RARB: variants seen among roughly 807,000 people sequenced by gnomAD.
RARB encodes the protein retinoic acid receptor beta, also known as HBV-activated protein.
RARB carries 17 observed loss-of-function variants against 51.9 expected under a neutral mutation model. The observed-to-expected ratio is 0.33, with a 90% CI of 0.22 to 0.49. The LOEUF is 0.49. Among genes scored for constraint, RARB ranks in the 20% least tolerant of loss-of-function variants. RARB has a pLI of 0.99. For missense variants in RARB, 369 were observed against 550.8 expected (o/e 0.67, Z 3.30); for synonymous variants, 215 against 195.4 (o/e 1.10, Z -0.84).
chr3:25,245,729 C>G (rs902149519), intron 5 of RARB, among the ~76,000 whole-genome samples: 12 of 152,120 alleles, frequency 7.9e-5, no homozygotes, highest in African/African-American at 2.9e-4. Context: ...TCTGACTGCC[C>G]TTAACATTTT....
rs139445425 is a variant in RARB at position 24,836,714 on chromosome 3, G to A, written c.-459+7311G>A. ...GTAAATGATTCTTGAGCGAGACAGGGAATATCCAGGGTGCTCAATAGTGTT... is the reference window on the plus strand; with the variant it reads ...GTAAATGATTCTTGAGCGAGACAGGAAATATCCAGGGTGCTCAATAGTGTT... On this transcript the variant is annotated intron_variant, in intron 1 of 11. Coordinates refer to the RARB transcript ENST00000383772. Among the ~76,000 whole-genome samples the A allele has an allele frequency of 1.7e-3, 257 of 152,196 alleles. 5 individuals are homozygous for A. The East Asian group carries it at 0.037, about 22-fold the overall frequency.
intron 1 of RARB, among the ~76,000 whole-genome samples, chr3:24,831,295 T>C (rs1303503925): frequency 6.6e-6 from 1 of 152,174 alleles, no homozygotes; most frequent in African/African-American, 2.4e-5. Context: ...ACTTCAGTAA[T>C]GAACACATAA....
At chr3:25,189,850 A>G (rs1417569893) in intron 5 of RARB, among the ~76,000 whole-genome samples, 1 of 152,106 alleles carries the variant, frequency 6.6e-6, no homozygotes, top group Non-Finnish European at 1.5e-5. Context: ...ATGCTACTGC[A>G]CTCCAGCCTG....
chr3:24,929,225 T>C (rs1268860674), intron 2 of RARB, among the ~76,000 whole-genome samples: 1 of 152,106 alleles, frequency 6.6e-6, no homozygotes, highest in Non-Finnish European at 1.5e-5. Flanking sequence ...AGGTTACTAA[T>C]GGAACCTCCT....
chr3:24,900,401 T>G (rs775644216), intron 2 of RARB, among the ~76,000 whole-genome samples: 1 of 152,262 alleles, frequency 6.6e-6, no homozygotes, highest in Non-Finnish European at 1.5e-5. Flanking sequence ...CTTGGCCTTT[T>G]CCATTTTACA....
intron 2 of RARB, among the ~76,000 whole-genome samples, chr3:24,902,981 G>A (rs944312501): frequency 5.9e-5 from 9 of 152,074 alleles, no homozygotes; most frequent in African/African-American, 2.2e-4. Flanking sequence ...AAAATATATT[G>A]AGAGAAACAA....
chr3:25,370,110 A>G (rs1330915071), intron 5 of RARB, among the ~76,000 whole-genome samples: 1 of 152,220 alleles, frequency 6.6e-6, no homozygotes, highest in Non-Finnish European at 1.5e-5. Context: ...ATACACACAC[A>G]TAGATATGTA....
chr3:25,022,511 G>C (rs368705408), intron 2 of RARB, among the ~76,000 whole-genome samples: 3 of 152,116 alleles, frequency 2.0e-5, no homozygotes, highest in African/African-American at 7.2e-5. Context: ...TAAAAACTCT[G>C]GTCAAACTAT....
intron 3 of RARB, among the ~76,000 whole-genome samples, chr3:25,562,734 G>A (rs888789576): frequency 1.6e-4 from 25 of 152,182 alleles, no homozygotes; most frequent in African/African-American, 5.3e-4. Context: ...GCAAGGACGC[G>A]CACCACACCG....
At chr3:24,987,311 A>G (rs1469932297) in intron 2 of RARB, among the ~76,000 whole-genome samples, 1 of 152,204 alleles carries the variant, frequency 6.6e-6, no homozygotes, top group Non-Finnish European at 1.5e-5. Context: ...ACACAATTAA[A>G]GCATACAGAA....
intron 3 of RARB, among the ~76,000 whole-genome samples, chr3:25,068,773 C>G (rs777458087): frequency 1.3e-5 from 2 of 152,116 alleles, no homozygotes; most frequent in African/African-American, 2.4e-5. Context: ...GAGGCGTCAT[C>G]TATAATGGCG....
rs189663791 is a variant in RARB at position 25,475,404 on chromosome 3, G to T, written c.306+14063G>T. Among the ~76,000 whole-genome samples, 56 of 152,098 alleles carry T rather than the reference G, an allele frequency of 3.7e-4. 1 individual carries two copies. Among genetic ancestry groups the T allele is most frequent in the African/African-American group, 9.9e-4 (41 of 41,482 alleles). On this transcript the variant is annotated intron_variant, in intron 2 of 7. Transcript: ENST00000330688. ...TAAGCTATTATCCAAATAACAAAGGGGGGGGGATCCCCTGCAAAAAATCAC... is the reference window on the plus strand; with the variant it reads ...TAAGCTATTATCCAAATAACAAAGGTGGGGGGATCCCCTGCAAAAAATCAC...
At chr3:24,906,025 G>GT (rs1328873059) in intron 2 of RARB, among the ~76,000 whole-genome samples, 1 of 151,906 alleles carries the variant, frequency 6.6e-6, no homozygotes, top group Non-Finnish European at 1.5e-5. Flanking sequence ...AAGACCTGGG[G>GT]TACCACAGTG....
At chr3:25,288,499 A>C (rs1300702307) in intron 5 of RARB, among the ~76,000 whole-genome samples, 2 of 152,196 alleles carry the variant, frequency 1.3e-5, no homozygotes, top group African/African-American at 4.8e-5. Context: ...CTTGAAATCA[A>C]ATCCCAGCTG....
intron 5 of RARB, among the ~76,000 whole-genome samples, chr3:25,304,629 T>TG (rs1191435056): frequency 4.3e-4 from 65 of 152,362 alleles, no homozygotes; most frequent in Admixed American, 1.1e-3. Flanking sequence ...ATCTAACCAC[T>TG]GATTCCGACT....
intron 1 of RARB, among the ~76,000 whole-genome samples, chr3:24,837,994 C>A (rs1446577121): frequency 6.6e-6 from 1 of 152,164 alleles, no homozygotes; most frequent in Non-Finnish European, 1.5e-5. Flanking sequence ...CATCAGCTAC[C>A]CTGAACTTTT....
intron 2 of RARB, among the ~76,000 whole-genome samples, chr3:25,475,150 T>C (rs542387848): frequency 2.6e-5 from 4 of 152,308 alleles, no homozygotes; most frequent in Admixed American, 1.3e-4. Context: ...TCCCAGACTT[T>C]GGTGGTTTAA....
intron 5 of RARB, among the ~76,000 whole-genome samples, chr3:25,582,845 T>C (rs765927553): frequency 3.3e-5 from 5 of 152,190 alleles, no homozygotes; most frequent in Non-Finnish European, 5.9e-5. Context: ...TGTTTACCTA[T>C]GTACAAAATA....
chr3:25,513,354 AAAG>A (rs562862230), intron 3 of RARB, among the ~76,000 whole-genome samples: 327 of 152,176 alleles, frequency 2.1e-3, no homozygotes, highest in African/African-American at 7.5e-3. Context: ...TGAAGAAAAG[AAAG>A]AAAAGGGTAC....
Sources: allele counts gnomAD v4.1 joint callset (sites outside exome capture counted in the v4.1 genomes callset), GRCh38; gene constraint gnomAD v4.1.1; transcripts MANE v1.5; gene names NCBI Gene and HGNC (gene_info 2026-07-23, HGNC 2026-07-21).